The following TCERG1L variants were observed in gnomAD, a reference collection of about 807,000 sequenced individuals.
TCERG1L encodes transcription elongation regulator 1-like protein.
A neutral mutation model predicts 56.3 loss-of-function variants in TCERG1L; 37 were observed. That is an observed-to-expected ratio of 0.66 (90% CI 0.51 to 0.87). The LOEUF (loss-of-function observed/expected upper bound fraction) is 0.87. Among genes scored for constraint, TCERG1L ranks in the 40% least tolerant of loss-of-function variants. The pLI is 0.00. For synonymous variants in TCERG1L, 324 were observed against 326.3 expected, an observed-to-expected ratio of 0.99 and a Z score of 0.08; for missense variants, 799 against 774.2, an observed-to-expected ratio of 1.03 and a Z score of -0.38.
chr10:131,214,441 A>C (rs1033171350), intron 4 of TCERG1L, among the ~76,000 whole-genome samples: 4 of 151,924 alleles, frequency 2.6e-5, no homozygotes, highest in African/African-American at 9.7e-5. Context: ...AGCCTACCCC[A>C]CCCCAGAGTT....
intron 6 of TCERG1L, among the ~76,000 whole-genome samples, chr10:131,160,174 C>T (rs1428405037): frequency 6.6e-6 from 1 of 152,168 alleles, no homozygotes; most frequent in Non-Finnish European, 1.5e-5. Context: ...GGTATTAGTT[C>T]GTCTCGTAAC....
intron 4 of TCERG1L, among the ~76,000 whole-genome samples, chr10:131,189,674 ATTTCC>A (rs1845284499): frequency 6.6e-6 from 1 of 152,130 alleles, no homozygotes; most frequent in Non-Finnish European, 1.5e-5. Context: ...TATTGATTTC[ATTTCC>A]TTTGAGTAAA....
At position 131,093,212 on chromosome 10, in the gene TCERG1L, G is replaced by C; in HGVS notation, c.1711C>G (p.Leu571Val). 6.2e-7 allele frequency: 1 copy of C among 1,613,916 alleles called. No individual in the cohort carries two copies. The highest frequency in any genetic ancestry group is 2.2e-5 in the East Asian group (1 of 44,876). The change falls in exon 12 of 12, where the codon CTT becomes GTT. Residue 571 changes from leucine (L) to valine (V), a missense_variant. Transcript: ENST00000368642. ...EHFFNQFILI[L>V]KKRDKENRLR... The stretch of plus-strand genomic sequence containing the variant: ...CTGTTTTCCTTGTCCCGTTTCTTAA[G>C]AATAAGTATGAATTGGTTGAAAAAA...
chr10:131,188,783 A>T lies in TCERG1L; in HGVS notation c.857-21898T>A, dbSNP rs1845274577. ...TCACATGATTCAAATTTCAAAAGGTACAGATGGATATAATGTGAAATGTCT... is the reference window on the plus strand; with the variant it reads ...TCACATGATTCAAATTTCAAAAGGTTCAGATGGATATAATGTGAAATGTCT... On this transcript the variant is annotated intron_variant, in intron 4 of 11. Coordinates refer to ENST00000368642, the MANE Select transcript of TCERG1L (RefSeq NM_174937.4). 3.3e-5 allele frequency among the ~76,000 whole-genome samples: 5 copies of T among 152,264 alleles called. No individual in the cohort carries two copies. The South Asian group carries it at 1.0e-3, about 31-fold the overall frequency.
At chr10:131,286,136 G>A (rs759414542) in intron 3 of TCERG1L, among the ~76,000 whole-genome samples, 40 of 152,190 alleles carry the variant, frequency 2.6e-4, no homozygotes, top group Non-Finnish European at 4.4e-4. Flanking sequence ...CTCTTGCACA[G>A]TAGTCTTCTT....
chr10:131,294,432 C>G (rs1171202673), intron 3 of TCERG1L, among the ~76,000 whole-genome samples: 1 of 152,188 alleles, frequency 6.6e-6, no homozygotes, highest in Non-Finnish European at 1.5e-5. Flanking sequence ...CTTTAAAAAT[C>G]TGAGCCTTTC....
At chr10:131,143,699 C>A (rs1373436514) in intron 7 of TCERG1L, among the ~76,000 whole-genome samples, 2 of 152,182 alleles carry the variant, frequency 1.3e-5, no homozygotes, top group Non-Finnish European at 2.9e-5. Context: ...ACACAACACA[C>A]CAGCACCCTC....
chr10:131,256,788 G>A (rs1846167902), intron 4 of TCERG1L, among the ~76,000 whole-genome samples: 1 of 151,672 alleles, frequency 6.6e-6, no homozygotes, highest in African/African-American at 2.4e-5. Flanking sequence ...GGAGACTGAG[G>A]CAGGAGAATC....
In TCERG1L at chr10:131,250,420, A is replaced by ACTT. The variant is rs1159572997; in HGVS notation, c.856+9836_856+9838dup. ...TTCCTTTTCTTATTTATGCTTCTCC[A>ACTT]CTTCTTTCCTCGGGGTTCTAAGTCA... On this transcript the variant is annotated intron_variant, in intron 4 of 11. Coordinates refer to ENST00000368642, the MANE Select transcript of TCERG1L (RefSeq NM_174937.4). Among the ~76,000 whole-genome samples, 10 of 152,176 alleles carry ACTT rather than the reference A, an allele frequency of 6.6e-5. No individual in the cohort carries two copies. The East Asian group carries it at 1.5e-3, about 24-fold the overall frequency.
At chr10:131,126,522 C>G (rs1253474746) in intron 8 of TCERG1L, among the ~76,000 whole-genome samples, 1 of 151,628 alleles carries the variant, frequency 6.6e-6, no homozygotes, top group Non-Finnish European at 1.5e-5. Flanking sequence ...CAGCTCTCAG[C>G]TGCGGGAGGC....
intron 3 of TCERG1L, among the ~76,000 whole-genome samples, chr10:131,266,887 G>C (rs1235601886): frequency 6.6e-6 from 1 of 152,106 alleles, no homozygotes; most frequent in Non-Finnish European, 1.5e-5. Context: ...GCTCTGCTCT[G>C]GCTGAGTCTT....
At chr10:131,218,034 T>G (rs1461820078) in intron 4 of TCERG1L, among the ~76,000 whole-genome samples, 2 of 151,980 alleles carry the variant, frequency 1.3e-5, no homozygotes, top group African/African-American at 2.4e-5. Flanking sequence ...GTAGCTGGCT[T>G]TTAAGTTAAA....
rs879636488 is a variant in TCERG1L at position 131,099,667 on chromosome 10, C to T, written c.1486-1243G>A. Among the ~76,000 whole-genome samples, 9 of 152,278 alleles carry T rather than the reference C, an allele frequency of 5.9e-5. No individual in the cohort carries two copies. In the South Asian group the frequency reaches 6.2e-4, roughly 11 times the overall value. ...CCCCAGCACTGCTCAGCCCCTTCTCCGGAGTGGCTTTCTTCCCACTTTGTC... is the reference window on the plus strand; with the variant it reads ...CCCCAGCACTGCTCAGCCCCTTCTCTGGAGTGGCTTTCTTCCCACTTTGTC... On this transcript the variant is annotated intron_variant, in intron 10 of 11. Transcript: ENST00000368642.
At chr10:131,175,890 G>A (rs1846142731) in intron 4 of TCERG1L, among the ~76,000 whole-genome samples, 1 of 152,154 alleles carries the variant, frequency 6.6e-6, no homozygotes. Context: ...AAGCGGGGAG[G>A]AAGGCAGTAG....
chr10:131,180,208 G>T (rs1471503093), intron 4 of TCERG1L, among the ~76,000 whole-genome samples: 1 of 152,208 alleles, frequency 6.6e-6, no homozygotes, highest in East Asian at 1.9e-4. Context: ...ATATGATACG[G>T]GAATGGCAGA....
chr10:131,246,504 C>A (rs1159130609), intron 4 of TCERG1L, among the ~76,000 whole-genome samples: 1 of 152,032 alleles, frequency 6.6e-6, no homozygotes, highest in Non-Finnish European at 1.5e-5. Flanking sequence ...CACAAGGATG[C>A]GGAAAGTTAT....
At chr10:131,146,693 C>A in intron 6 of TCERG1L, 33 bp from the exon 7 acceptor site, 1 of 1,583,366 alleles carries the variant, frequency 6.3e-7, no homozygotes, top group Non-Finnish European at 8.6e-7. Context: ...CTCAGTCGCT[C>A]TCGGAGACAC....
intron 4 of TCERG1L, among the ~76,000 whole-genome samples, chr10:131,218,710 G>A (rs559565539): frequency 3.5e-4 from 53 of 152,278 alleles, no homozygotes; most frequent in East Asian, 3.3e-3. Flanking sequence ...CTGAGCCACC[G>A]GGAATCATCT....
In TCERG1L at chr10:131,113,173, C is replaced by T. The variant is rs986660697; in HGVS notation, c.1395+3626G>A. Among the ~76,000 whole-genome samples, 26 of 143,096 alleles carry T rather than the reference C, an allele frequency of 1.8e-4. 2 individuals are homozygous for T. The highest frequency in any genetic ancestry group is 5.7e-4 in the African/African-American group (23 of 40,558). 93.9% of individuals were successfully genotyped at this position (143,096 alleles called of 152,430 possible). A position where few individuals can be genotyped will look rare whatever the true frequency, so the allele number is the denominator to read the frequency against. Reference sequence around the variant, plus strand: ...TTTGGTGAATAAATGCAATTTTACACGGTTATCCCACAATATAGCCAGCTG... The same window carrying T: ...TTTGGTGAATAAATGCAATTTTACATGGTTATCCCACAATATAGCCAGCTG... On this transcript the variant is annotated intron_variant, in intron 9 of 11. Coordinates refer to ENST00000368642, the MANE Select transcript of TCERG1L (RefSeq NM_174937.4).
Sources: gnomAD v4.1 joint callset for allele counts (sites outside exome capture counted in the v4.1 genomes callset) on GRCh38, gnomAD v4.1.1 for gene constraint, MANE v1.5 for transcripts, NCBI Gene and HGNC (gene_info 2026-07-23, HGNC 2026-07-21) for gene names.